Variants in KCNQ1 observed in about 807,000 individuals in gnomAD.
KCNQ1 encodes the protein potassium voltage-gated channel subfamily Q member 1.
Under a neutral mutation model 72.4 loss-of-function variants are expected in KCNQ1, and 49 were observed. That is an observed-to-expected ratio of 0.68 (90% CI 0.54 to 0.86). KCNQ1 has a LOEUF of 0.86. Ranked by LOEUF, KCNQ1 falls within the 40% of genes least tolerant of loss-of-function variation. The pLI is 0.00. For synonymous variants in KCNQ1, 450 were observed against 412.6 expected (o/e 1.09, Z -1.10); for missense variants, 790 against 945.1 (o/e 0.84, Z 2.15).
chr11:2,843,474 A>G (rs764160994), intron 15 of KCNQ1, among the ~76,000 whole-genome samples: 30 of 152,206 alleles, frequency 2.0e-4, no homozygotes, highest in Admixed American at 3.9e-4. Flanking sequence ...ACACTGCCCA[A>G]CAAGGATGCT....
Position 2,477,068 on chromosome 11 carries a change from G to GA in KCNQ1, c.386+31590dup, listed in dbSNP as rs1465788238. On this transcript the variant is annotated intron_variant, in intron 1 of 15. Transcript: ENST00000155840. The surrounding 1 kb of genome is among the most constrained non-coding windows in gnomAD (Gnocchi z 5.0). ...TGTTGTGAGATGGCTTATTCTTTGGGAAAAAATGTTAAGTCAAAATTAGGA... is the reference window on the plus strand; with the variant it reads ...TGTTGTGAGATGGCTTATTCTTTGGGAAAAAAATGTTAAGTCAAAATTAGGA... 2.0e-5 allele frequency among the ~76,000 whole-genome samples: 3 copies of GA among 152,128 alleles called. No individual in the cohort carries two copies. Among genetic ancestry groups the GA allele is most frequent in the Non-Finnish European group, 2.9e-5 (2 of 68,028 alleles).
chr11:2,842,436 A>AC (rs1376215799), intron 15 of KCNQ1, among the ~76,000 whole-genome samples: 1 of 152,148 alleles, frequency 6.6e-6, no homozygotes, highest in African/African-American at 2.4e-5. Flanking sequence ...TCCCAGCAGC[A>AC]CCCCCAACTC....
At position 2,784,473 on chromosome 11, in the gene KCNQ1, T is replaced by C. The variant is rs896486281; in HGVS notation, c.1794+6436T>C. 5.3e-5 allele frequency among the ~76,000 whole-genome samples: 8 copies of C among 151,982 alleles called. No individual in the cohort carries two copies. The highest frequency in any genetic ancestry group is 1.2e-4 in the Non-Finnish European group (8 of 67,826). On this transcript the variant is annotated intron_variant, in intron 15 of 15. Coordinates refer to ENST00000155840, the MANE Select transcript of KCNQ1 (RefSeq NM_000218.3). The surrounding 1 kb of genome is among the most constrained non-coding windows in gnomAD (Gnocchi z 4.7). ...AAATTAAATTATGTAAGTTTTCTAA[T>C]TTTGTTCATCTTTTTACAAATTGTT...
chr11:2,733,802 A>ACACACACACACACACACACACACACT (rs1845895261), intron 11 of KCNQ1, among the ~76,000 whole-genome samples: 1 of 63,822 alleles, frequency 1.6e-5, no homozygotes, highest in African/African-American at 8.4e-5. Context: ...ACACACACAC[A>ACACACACACACACACACACACACACT]CACACACACA....
At chr11:2,702,604 T>G (rs939575422) in intron 11 of KCNQ1, among the ~76,000 whole-genome samples, 1 of 152,152 alleles carries the variant, frequency 6.6e-6, no homozygotes, top group African/African-American at 2.4e-5. Flanking sequence ...GTTGATTCAT[T>G]TATATAGATT....
rs759581824 is a variant in KCNQ1 at position 2,767,205 on chromosome 11, TAGCTAGGAGGTTGGACTTGGTTC to T, written c.1515-1625_1515-1603del. On this transcript the variant is annotated intron_variant, in intron 11 of 15. Coordinates refer to ENST00000155840, the MANE Select transcript of KCNQ1 (RefSeq NM_000218.3). The surrounding 1 kb of genome is among the most constrained non-coding windows in gnomAD (Gnocchi z 4.6). ...GTGTGTATTTTTTTTTTTCTTTGCT[TAGCTAGGAGGTTGGACTTGGTTC>T]AGCTAGGAGGTTGTTCTGTTGGTGC... 6.6e-6 allele frequency among the ~76,000 whole-genome samples: 1 copy of T among 152,040 alleles called. No individual in the cohort carries two copies. The highest frequency in any genetic ancestry group is 1.5e-5 in the Non-Finnish European group (1 of 67,996).
intron 11 of KCNQ1, chr11:2,662,973 C>G (rs1268799591): frequency 5.0e-6 from 2 of 398,568 alleles, no homozygotes; most frequent in Admixed American, 8.8e-5. Flanking sequence ...GCCTTTGCAG[C>G]CAGCCAGGTG....
chr11:2,589,512 G>A (rs767821617), intron 10 of KCNQ1, among the ~76,000 whole-genome samples: 8 of 152,210 alleles, frequency 5.3e-5, no homozygotes, highest in African/African-American at 9.6e-5. Flanking sequence ...ACTCGTAAGC[G>A]TGGCTCTTTG....
chr11:2,762,817 G>C lies in KCNQ1; in HGVS notation c.1515-6027G>C, dbSNP rs750410606. Among the ~76,000 whole-genome samples, 2 of 148,452 alleles carry C rather than the reference G, an allele frequency of 1.3e-5. No homozygotes were observed. The highest frequency in any genetic ancestry group is 2.0e-4 in the East Asian group (1 of 4,980). ...AAACCATCTCCCCCCACCCCACCCCGTCCACGGAAAAAGTGTCTTCCACGA... is the reference window on the plus strand; with the variant it reads ...AAACCATCTCCCCCCACCCCACCCCCTCCACGGAAAAAGTGTCTTCCACGA... On this transcript the variant is annotated intron_variant, in intron 11 of 15. Transcript: ENST00000155840. The surrounding 1 kb of genome is among the most constrained non-coding windows in gnomAD (Gnocchi z 4.3).
rs1248506711 is a variant in KCNQ1, at chr11:2,818,166, C to A, written c.1795-29601C>A. Among the ~76,000 whole-genome samples, 1 of 152,174 alleles carries A rather than the reference C, an allele frequency of 6.6e-6. No individual in the cohort carries two copies. The highest frequency in any genetic ancestry group is 1.5e-5 in the Non-Finnish European group (1 of 68,040). Reference sequence around the variant, plus strand: ...GCCCTCAGAGTGGGAGCGCGTGCCCCAACTTCCGAGCCCTAGGAAAGGGTC... The same window carrying A: ...GCCCTCAGAGTGGGAGCGCGTGCCCAAACTTCCGAGCCCTAGGAAAGGGTC... On this transcript the variant is annotated intron_variant, in intron 15 of 15. Transcript: ENST00000155840. This position sits in a 1 kb window ranked among gnomAD's most constrained non-coding sequence, Gnocchi z 7.2.
rs1027941989 is a variant in KCNQ1, at chr11:2,642,242, A to G, written c.1394-19719A>G. ...CATTTTAATTTTGTTAATTCTCCCA[A>G]TCCATGAGAATGGGATGTTTTTTGT... On this transcript the variant is annotated intron_variant, in intron 10 of 15. Transcript: ENST00000155840. The surrounding 1 kb of genome is among the most constrained non-coding windows in gnomAD (Gnocchi z 4.3). 1.5e-5 allele frequency: 6 copies of G among 398,212 alleles called. No homozygotes were observed. Among genetic ancestry groups the G allele is most frequent in the African/African-American group, 6.2e-5 (3 of 48,590 alleles). 24.7% of individuals were successfully genotyped at this position (398,212 alleles called of 1,614,324 possible).
chr11:2,718,197 G>C (rs1040069985), intron 11 of KCNQ1, among the ~76,000 whole-genome samples: 6 of 152,194 alleles, frequency 3.9e-5, no homozygotes, highest in Admixed American at 3.9e-4. Flanking sequence ...CCTGACAGCT[G>C]CCTTCCTCTG....
intron 11 of KCNQ1, among the ~76,000 whole-genome samples, chr11:2,732,822 C>T (rs1463382944): frequency 6.6e-6 from 1 of 152,138 alleles, no homozygotes; most frequent in Non-Finnish European, 1.5e-5. Flanking sequence ...CTGTCCCACC[C>T]ACTGGGGCCC....
rs1847911541 is a variant in KCNQ1, at chr11:2,547,143, ATTTTGTCACGG to A, written c.477+19128_477+19138del. 6.6e-6 allele frequency among the ~76,000 whole-genome samples: 1 copy of A among 152,106 alleles called. No homozygotes were observed. On this transcript the variant is annotated intron_variant, in intron 2 of 15. Coordinates refer to ENST00000155840, the MANE Select transcript of KCNQ1 (RefSeq NM_000218.3). The surrounding 1 kb of genome is among the most constrained non-coding windows in gnomAD (Gnocchi z 4.2). ...GTCATTGTCTTTTATAATTACGTGT[ATTTTGTCACGG>A]TTGCTGTTGTAGTTTTCTTTACAAT...
intron 2 of KCNQ1, among the ~76,000 whole-genome samples, chr11:2,561,030 G>A (rs977964088): frequency 1.4e-4 from 21 of 151,672 alleles, no homozygotes; most frequent in East Asian, 1.2e-3. Context: ...GTGAAACCCC[G>A]TCTCTACTAA....
At chr11:2,527,302 A>G (rs2133648224) in intron 1 of KCNQ1, among the ~76,000 whole-genome samples, 1 of 151,802 alleles carries the variant, frequency 6.6e-6, no homozygotes. Flanking sequence ...AGGTGTCAGG[A>G]CCCCCACCTG....
intron 15 of KCNQ1, among the ~76,000 whole-genome samples, chr11:2,801,883 T>TAA (rs1370378648): frequency 6.6e-6 from 1 of 152,222 alleles, no homozygotes; most frequent in Admixed American, 6.5e-5. Context: ...GCCCCTGGGT[T>TAA]AACACTGCCT....
In KCNQ1 at chr11:2,816,722, C is replaced by T. The variant is rs1319959081; in HGVS notation, c.1795-31045C>T. Among the ~76,000 whole-genome samples the T allele has an allele frequency of 6.6e-6, 1 of 152,156 alleles. No homozygotes were observed. The highest frequency in any genetic ancestry group is 1.9e-4 in the East Asian group (1 of 5,192). ...CTGGCTCACTCCCGCCTCAGGCCCA[C>T]TGCCCTGGCTGGACTCCCTGCACTG... On this transcript the variant is annotated intron_variant, in intron 15 of 15. Coordinates refer to ENST00000155840, the MANE Select transcript of KCNQ1 (RefSeq NM_000218.3). The surrounding 1 kb of genome is among the most constrained non-coding windows in gnomAD (Gnocchi z 6.8).
intron 15 of KCNQ1, among the ~76,000 whole-genome samples, chr11:2,839,237 C>A (rs902263445): frequency 5.9e-5 from 9 of 152,336 alleles, no homozygotes; most frequent in African/African-American, 2.2e-4. Flanking sequence ...GGCCTCCTGC[C>A]CAGGCCCCTT....
Sources: allele counts gnomAD v4.1 joint callset (sites outside exome capture counted in the v4.1 genomes callset), GRCh38; gene constraint gnomAD v4.1.1; non-coding constraint Gnocchi (gnomAD v3.1); transcripts MANE v1.5; gene names NCBI Gene and HGNC (gene_info 2026-07-23, HGNC 2026-07-21).